DPP6: variants seen among roughly 807,000 people sequenced by gnomAD.
DPP6 encodes A-type potassium channel modulatory protein DPP6.
A neutral mutation model predicts 122.6 loss-of-function variants in DPP6; 69 were observed. The ratio of observed to expected loss-of-function variants is 0.56; its 90% CI spans 0.46 to 0.69. The LOEUF (loss-of-function observed/expected upper bound fraction) is 0.69, where lower values mean the gene tolerates loss of function less well. Ranked by LOEUF, DPP6 falls within the 30% of genes least tolerant of loss-of-function variation. The pLI is 0.00. For missense variants in DPP6, 928 were observed against 1,116.9 expected, an observed-to-expected ratio of 0.83 and a Z score of 2.41; for synonymous variants, 418 against 433.1, an observed-to-expected ratio of 0.97 and a Z score of 0.43.
At chr7:154,255,003 A>C (rs967156146) in intron 1 of DPP6, among the ~76,000 whole-genome samples, 1 of 152,162 alleles carries the variant, frequency 6.6e-6, no homozygotes, top group Non-Finnish European at 1.5e-5. Context: ...ACTAAAGAGA[A>C]TTGCAAAACG....
At chr7:154,267,523 T>C (rs749600692) in intron 1 of DPP6, among the ~76,000 whole-genome samples, 43 of 150,948 alleles carry the variant, frequency 2.8e-4, no homozygotes, top group Non-Finnish European at 6.2e-4. Flanking sequence ...CATACTTATA[T>C]ATGCGTGTAC....
At position 154,241,230 on chromosome 7, in the gene DPP6, T is replaced by TATAG. The variant is rs1013241767; in HGVS notation, c.243+188168_243+188169insTAGA. 0.018 allele frequency among the ~76,000 whole-genome samples: 2,647 copies of TATAG among 149,256 alleles called. 80 individuals carry two copies. The highest frequency in any genetic ancestry group is 0.061 in the African/African-American group (2,448 of 40,364). On this transcript the variant is annotated intron_variant, in intron 1 of 25. Coordinates refer to ENST00000377770, the MANE Select transcript of DPP6 (RefSeq NM_130797.4). This position sits in a 1 kb window ranked among gnomAD's most constrained non-coding sequence, Gnocchi z 9.0. ...GTGTGTGTGTGTGTGTATATATATA[T>TATAG]AGAGAGAGAGAGAGACACTTTTATC...
Position 153,899,798 on chromosome 7 carries a change from G to A in DPP6, c.51+12064G>A, listed in dbSNP as rs531504582. Among the ~76,000 whole-genome samples, 31 of 152,318 alleles carry A rather than the reference G, an allele frequency of 2.0e-4. No individual in the cohort carries two copies. In the South Asian group the frequency reaches 6.0e-3, roughly 30 times the overall value. On this transcript the variant is annotated intron_variant, in intron 1 of 25. Coordinates refer to the DPP6 transcript ENST00000404039. ...GGTGAGTGTGAATGTGTGTGCACAG[G>A]CAGGTGCAGGTGTGTACTCACATGC...
In DPP6 at chr7:154,100,983, CTGG is replaced by C; in HGVS notation, c.243+47922_243+47924del. ...CTCCCCGTGACCGTGCAGCGTGCTG[CTGG>C]TCCTGCCAACGGTGCCCCTGACGGA... is the stretch of plus-strand genomic sequence containing the variant. On this transcript the variant is annotated intron_variant, in intron 1 of 25. Transcript: ENST00000377770. Among the ~76,000 whole-genome samples the C allele has an allele frequency of 1.4e-5, 2 of 137,942 alleles. 1 individual carries two copies. The highest frequency in any genetic ancestry group is 5.1e-4 in the East Asian group (2 of 3,916). 90.5% of individuals were successfully genotyped at this position (137,942 alleles called of 152,430 possible).
intron 1 of DPP6, among the ~76,000 whole-genome samples, chr7:154,343,026 G>C (rs1810065387): frequency 6.6e-6 from 1 of 152,212 alleles, no homozygotes; most frequent in African/African-American, 2.4e-5. Flanking sequence ...CGCTAACCAA[G>C]GTACAGCAAG....
intron 21 of DPP6, among the ~76,000 whole-genome samples, chr7:154,881,568 G>A (rs372826493): frequency 2.0e-4 from 30 of 152,292 alleles, no homozygotes; most frequent in African/African-American, 6.7e-4. Context: ...CAGATGGGTC[G>A]GTATAGACCC....
rs1302728172 is a variant in DPP6, at chr7:154,060,358, C to G, written c.243+7295C>G. ...GGAGGCACCCCCCGCGAGGCAGGGA[C>G]TGAGAGCCAGCCCCTGGTTCCCCCA... On this transcript the variant is annotated intron_variant, in intron 1 of 25. Transcript: ENST00000377770. Among the ~76,000 whole-genome samples, 10 of 107,086 alleles carry G rather than the reference C, an allele frequency of 9.3e-5. 1 individual carries two copies. Among genetic ancestry groups the G allele is most frequent in the African/African-American group, 4.0e-4 (10 of 24,764 alleles). The allele number at this position is 107,086 out of a possible 152,430, so 70.3% of individuals were successfully genotyped here.
At chr7:154,725,798 G>A (rs896989824) in intron 7 of DPP6, among the ~76,000 whole-genome samples, 4 of 152,134 alleles carry the variant, frequency 2.6e-5, no homozygotes, top group Admixed American at 2.6e-4. Context: ...CTGAGGCAAG[G>A]CAAGTTTTTT....
chr7:154,053,166 G>T (rs1241733470), intron 1 of DPP6, 103 bp downstream of exon 1: 1 of 618,448 alleles, frequency 1.6e-6, no homozygotes. Context: ...GGAATCAGGC[G>T]CCCTCCCCCC....
intron 12 of DPP6, among the ~76,000 whole-genome samples, chr7:154,799,506 G>A (rs894969937): frequency 6.6e-6 from 1 of 152,222 alleles, no homozygotes; most frequent in African/African-American, 2.4e-5. Flanking sequence ...TTTGGTTGAA[G>A]GATCGGTTCC....
intron 1 of DPP6, among the ~76,000 whole-genome samples, chr7:154,217,907 G>T (rs960879364): frequency 6.6e-6 from 1 of 152,198 alleles, no homozygotes; most frequent in Non-Finnish European, 1.5e-5. Context: ...GGACCAGAGC[G>T]CCTGTGGGCC....
At chr7:154,734,543 T>C (rs145209558) in intron 8 of DPP6, among the ~76,000 whole-genome samples, 308 of 152,376 alleles carry the variant, frequency 2.0e-3, no homozygotes, top group Non-Finnish European at 3.7e-3. Context: ...ATTGGAATGA[T>C]GTTCAAATAT....
At chr7:153,823,976 T>G in the DPP6 span, among the ~76,000 whole-genome samples, 6 of 152,322 alleles carry the variant, frequency 3.9e-5, no homozygotes, top group African/African-American at 1.4e-4. Flanking sequence ...TTTTGATTAT[T>G]CAAGGAGATG....
chr7:154,253,300 G>A (rs1802465781), intron 1 of DPP6, among the ~76,000 whole-genome samples: 1 of 152,208 alleles, frequency 6.6e-6, no homozygotes, highest in Non-Finnish European at 1.5e-5. Context: ...TTCCCTGGTA[G>A]GTACCTGGAG....
chr7:154,371,118 C>T (rs1010677664), intron 1 of DPP6, among the ~76,000 whole-genome samples: 3 of 151,990 alleles, frequency 2.0e-5, no homozygotes, highest in African/African-American at 7.2e-5. Flanking sequence ...TGGTTCACAC[C>T]TGTTATCCCA....
intron 5 of DPP6, among the ~76,000 whole-genome samples, chr7:154,580,178 C>T (rs975421672): frequency 3.4e-5 from 5 of 145,618 alleles, no homozygotes; most frequent in African/African-American, 1.3e-4. Flanking sequence ...CACACACATG[C>T]ACACATACTC....
intron 5 of DPP6, among the ~76,000 whole-genome samples, chr7:154,597,358 C>G (rs1236314286): frequency 1.3e-5 from 2 of 152,076 alleles, no homozygotes; most frequent in East Asian, 3.9e-4. Flanking sequence ...AATCCCAGCA[C>G]TTTGGGAGGC....
intron 1 of DPP6, among the ~76,000 whole-genome samples, chr7:154,290,748 C>G (rs763757731): frequency 2.6e-5 from 4 of 152,082 alleles, no homozygotes; most frequent in African/African-American, 7.2e-5. Flanking sequence ...GGTGTTCCCG[C>G]GGGGCTTCTT....
chr7:154,545,435 C>G (rs533395956), intron 4 of DPP6, among the ~76,000 whole-genome samples: 15 of 151,696 alleles, frequency 9.9e-5, no homozygotes, highest in Non-Finnish European at 1.8e-4. Flanking sequence ...CTCCCTCCCT[C>G]CTTTTCTTCA....
Sources: allele counts gnomAD v4.1 joint callset (sites outside exome capture counted in the v4.1 genomes callset), GRCh38; gene constraint gnomAD v4.1.1; non-coding constraint Gnocchi (gnomAD v3.1); transcripts MANE v1.5; gene names NCBI Gene and HGNC (gene_info 2026-07-23, HGNC 2026-07-21).